The following GPHN variants were observed in gnomAD, a reference collection of about 807,000 sequenced individuals.
GPHN encodes the protein gephyrin.
GPHN carries 17 observed loss-of-function variants against 95.5 expected under a neutral mutation model. The observed-to-expected ratio is 0.18, with a 90% confidence interval of 0.12 to 0.27. The LOEUF (loss-of-function observed/expected upper bound fraction) is 0.27, where lower values mean the gene tolerates loss of function less well. Ranked by LOEUF, GPHN falls within the 10% of genes least tolerant of loss-of-function variation. GPHN has a pLI of 1.00. For synonymous variants in GPHN, 320 were observed against 322.5 expected (o/e 0.99, Z 0.08); for missense variants, 660 against 978.1 (o/e 0.67, Z 4.34).
intron 3 of GPHN, among the ~76,000 whole-genome samples, chr14:66,792,143 T>TGAGTA (rs1427940224): frequency 6.6e-6 from 1 of 152,168 alleles, no homozygotes; most frequent in Non-Finnish European, 1.5e-5. Context: ...AGGTGAGATT[T>TGAGTA]GAGTAGGGAC....
the GPHN span, among the ~76,000 whole-genome samples, chr14:67,285,406 G>A: frequency 3.5e-5 from 5 of 142,584 alleles, no homozygotes; most frequent in South Asian, 2.2e-4. Context: ...TCGCTCTGTC[G>A]CCCAGGCTGG....
chr14:66,817,704 G>A (rs1334068965), intron 3 of GPHN, among the ~76,000 whole-genome samples: 1 of 152,118 alleles, frequency 6.6e-6, no homozygotes, highest in African/African-American at 2.4e-5. Flanking sequence ...AGATGTGTAG[G>A]ACCTTGGTGC....
chr14:67,559,085 A>G, the GPHN span, among the ~76,000 whole-genome samples: 1 of 152,218 alleles, frequency 6.6e-6, no homozygotes, highest in Non-Finnish European at 1.5e-5. Context: ...GATTATAGGC[A>G]TGAGCCACCA....
the GPHN span, among the ~76,000 whole-genome samples, chr14:67,233,911 T>C: frequency 5.9e-5 from 9 of 152,222 alleles, no homozygotes; most frequent in Non-Finnish European, 1.0e-4. Flanking sequence ...GATTCTGGAA[T>C]TCAGGGCAGA....
the GPHN span, among the ~76,000 whole-genome samples, chr14:67,591,030 T>C: frequency 1.3e-5 from 2 of 151,974 alleles, no homozygotes; most frequent in Non-Finnish European, 2.9e-5. Flanking sequence ...AAAAAATATA[T>C]GTGAAAGTAT....
chr14:67,438,834 C>T, the GPHN span, among the ~76,000 whole-genome samples: 1 of 138,674 alleles, frequency 7.2e-6, no homozygotes, highest in Non-Finnish European at 1.5e-5. Flanking sequence ...GCACTCTAGC[C>T]TAGGCAACAG....
intron 2 of GPHN, among the ~76,000 whole-genome samples, chr14:66,686,030 C>T (rs1199065888): frequency 6.6e-6 from 1 of 152,148 alleles, no homozygotes; most frequent in Non-Finnish European, 1.5e-5. Flanking sequence ...TTGTTTTTGT[C>T]AGGTTTGTCA....
chr14:66,618,505 G>A (rs546706092), intron 1 of GPHN, among the ~76,000 whole-genome samples: 1 of 152,120 alleles, frequency 6.6e-6, no homozygotes, highest in Non-Finnish European at 1.5e-5. Context: ...TTGCATTTGA[G>A]GGATAGTATC....
chr14:67,387,089 G>A, the GPHN span: 3 of 339,756 alleles, frequency 8.8e-6, no homozygotes, highest in African/African-American at 2.2e-5. Context: ...GTGATGCTGG[G>A]GAAAAGTCAA....
the GPHN span, among the ~76,000 whole-genome samples, chr14:67,657,622 ACC>A: frequency 1.9e-3 from 265 of 136,596 alleles, no homozygotes; most frequent in Middle Eastern, 4.0e-3. Flanking sequence ...ACACACACAC[ACC>A]CAAAATCAAA....
chr14:67,729,057 A>C, the GPHN span: 2 of 886,332 alleles, frequency 2.3e-6, no homozygotes, highest in Non-Finnish European at 3.8e-6. Flanking sequence ...CCTGGCCAGG[A>C]GTGGTACCTG....
At chr14:67,724,245 T>C in the GPHN span, among the ~76,000 whole-genome samples, 7 of 152,194 alleles carry the variant, frequency 4.6e-5, no homozygotes, top group Admixed American at 1.3e-4. Context: ...ATATGATTAT[T>C]TGTGGCTTCT....
chr14:66,624,025 A>G (rs1170371996), intron 1 of GPHN, among the ~76,000 whole-genome samples: 1 of 152,194 alleles, frequency 6.6e-6, no homozygotes, highest in Non-Finnish European at 1.5e-5. Flanking sequence ...AAGTCTACAC[A>G]GTGCTCCTCA....
chr14:66,642,778 A>G (rs1831687731), intron 1 of GPHN, among the ~76,000 whole-genome samples: 2 of 152,046 alleles, frequency 1.3e-5, no homozygotes. Context: ...GGAGAAAAGA[A>G]TTTTATTTCA....
chr14:67,297,350 T>G, the GPHN span, among the ~76,000 whole-genome samples: 1 of 152,204 alleles, frequency 6.6e-6, no homozygotes, highest in Non-Finnish European at 1.5e-5. Context: ...TCATTTAAAC[T>G]GCATGTAAGA....
In GPHN at chr14:67,039,147, T is replaced by C. The variant is rs1056827084; in HGVS notation, c.1006+15472T>C. Among the ~76,000 whole-genome samples, 4 of 152,200 alleles carry C rather than the reference T, an allele frequency of 2.6e-5. No individual in the cohort carries two copies. The East Asian group carries it at 5.8e-4, about 22-fold the overall frequency. The stretch of plus-strand genomic sequence containing the variant: ...CCTCCAGAATTTGTCCTGAACTGAA[T>C]TGACCAGCCTTATACCTTATATTTC... On this transcript the variant is annotated intron_variant, in intron 10 of 22. Coordinates refer to ENST00000478722, the MANE Select transcript of GPHN (RefSeq NM_020806.5).
chr14:67,246,799 G>C, the GPHN span, among the ~76,000 whole-genome samples: 1 of 151,856 alleles, frequency 6.6e-6, no homozygotes, highest in South Asian at 2.1e-4. Flanking sequence ...TTATAAGCGC[G>C]CACCACCACG....
the GPHN span, among the ~76,000 whole-genome samples, chr14:67,240,058 T>A: frequency 1.3e-5 from 2 of 152,160 alleles, no homozygotes; most frequent in Admixed American, 1.3e-4. Flanking sequence ...TCCACCTGTA[T>A]TCGAAGCCTA....
intron 9 of GPHN, among the ~76,000 whole-genome samples, chr14:66,968,056 A>G (rs534741567): frequency 6.6e-6 from 1 of 151,988 alleles, no homozygotes. Context: ...ATTTAAAATA[A>G]TGAATCTTTT....
Sources: allele counts gnomAD v4.1 joint callset (sites outside exome capture counted in the v4.1 genomes callset), GRCh38; gene constraint gnomAD v4.1.1; transcripts MANE v1.5; gene names NCBI Gene and HGNC (gene_info 2026-07-23, HGNC 2026-07-21).